Variants in HIP1R observed in about 807,000 individuals in gnomAD.
HIP1R encodes huntingtin interacting protein 1 related.
Under a neutral mutation model 144.2 loss-of-function variants are expected in HIP1R, and 135 were observed. That is an observed-to-expected ratio of 0.94 (90% confidence interval 0.81 to 1.08). HIP1R has a LOEUF of 1.08. HIP1R is among the 50% of genes least tolerant of loss of function. The probability of loss-of-function intolerance (pLI) is 0.00; values close to 1 mark genes in which losing one functional copy is unlikely to be tolerated. For missense variants in HIP1R, 1,462 were observed against 1,432.8 expected (o/e 1.02, Z -0.33); for synonymous variants, 698 against 612.8 (o/e 1.14, Z -2.05).
chr12:122,843,592 T>A (rs2033121052), intron 1 of HIP1R, among the ~76,000 whole-genome samples: 1 of 152,170 alleles, frequency 6.6e-6, no homozygotes, highest in Admixed American at 6.5e-5. Flanking sequence ...CTGAGCTTTG[T>A]CCCCACTCTC....
At position 122,856,088 on chromosome 12, in the gene HIP1R, C is replaced by A; in HGVS notation, c.1237C>A (p.Arg413Ser). The part of the protein sequence containing the change: ...QKALVDNEQL[R>S]HELAQLRAAQ... Reference sequence around the variant, plus strand: ...GGCCCTGGTGGATAATGAGCAGCTCCGCCACGAGCTGGCCCAGCTGAGGGC... The same window carrying A: ...GGCCCTGGTGGATAATGAGCAGCTCAGCCACGAGCTGGCCCAGCTGAGGGC... Residue 413 changes from arginine to serine, a missense_variant, in exon 14 of 32, where the codon CGC becomes AGC. By Grantham distance (110) the Arg-to-Ser change is moderately radical (BLOSUM62 -1). Transcript: ENST00000253083. 6.3e-7 allele frequency: 1 copy of A among 1,585,444 alleles called. No individual in the cohort carries two copies. Among genetic ancestry groups the A allele is most frequent in the Non-Finnish European group, 8.6e-7 (1 of 1,166,312 alleles).
Position 122,861,293 on chromosome 12 carries a change from G to A in HIP1R, c.2953-15G>A. On this transcript the variant is annotated splice_polypyrimidine_tract_variant and intron_variant, in intron 30 of 31. Coordinates refer to ENST00000253083, the MANE Select transcript of HIP1R (RefSeq NM_003959.3). ...GGGGAGGCTGGGCTGGGCTGAGCAG[G>A]CCGTGTGGCTACAGGTGCGTGTCCT... 1.2e-6 allele frequency: 2 copies of A among 1,613,630 alleles called. No homozygotes were observed. Among genetic ancestry groups the A allele is most frequent in the South Asian group, 1.1e-5 (1 of 91,086 alleles).
intron 1 of HIP1R, among the ~76,000 whole-genome samples, chr12:122,841,932 G>C (rs1257804891): frequency 6.6e-6 from 1 of 152,200 alleles, no homozygotes; most frequent in African/African-American, 2.4e-5. Context: ...TGACGGAGTG[G>C]CCAGGACCAA....
intron 1 of HIP1R, among the ~76,000 whole-genome samples, chr12:122,837,070 C>A (rs1360798353): frequency 1.3e-5 from 2 of 152,114 alleles, no homozygotes; most frequent in Non-Finnish European, 2.9e-5. Flanking sequence ...AGGGAGAAAA[C>A]CTGAATTGGC....
chr12:122,848,314 C>G, intron 2 of HIP1R, 152 bp from the exon 3 acceptor site: 1 of 1,057,612 alleles, frequency 9.5e-7, no homozygotes, highest in Non-Finnish European at 1.4e-6. Flanking sequence ...ACTCCTGTCC[C>G]CTTGGCTGGA....
In HIP1R at chr12:122,862,537, G is replaced by C. The variant is rs1317020574; in HGVS notation, c.*784G>C. On this transcript the variant is annotated 3_prime_UTR_variant, in exon 32 of 32. Transcript: ENST00000253083. ...GGCCGCGCCCCACTGCCCACCTGAA[G>C]GGGTGGTTTCCAGCCCTCCGGAGAG... 2 of 152,298 alleles carry C rather than the reference G, an allele frequency of 1.3e-5. No individual in the cohort carries two copies. The highest frequency in any genetic ancestry group is 4.8e-5 in the African/African-American group (2 of 41,464). 9.4% of individuals were successfully genotyped at this position (152,298 alleles called of 1,614,324 possible).
chr12:122,857,748 T>C (rs552465710), intron 18 of HIP1R: 3 of 272,972 alleles, frequency 1.1e-5, no homozygotes, highest in East Asian at 7.1e-5. Flanking sequence ...ATGCTTATTA[T>C]TGTCTTCTTT....
chr12:122,835,496 G>C lies in HIP1R; in HGVS notation c.-55G>C. 2 of 1,259,956 alleles carry C rather than the reference G, an allele frequency of 1.6e-6. No homozygotes were observed. The highest frequency in any genetic ancestry group is 2.0e-6 in the Non-Finnish European group (2 of 995,250). 78.0% of individuals were successfully genotyped at this position (1,259,956 alleles called of 1,614,324 possible). A position where few individuals can be genotyped will look rare whatever the true frequency, so the allele number is the denominator to read the frequency against. On this transcript the variant is annotated 5_prime_UTR_variant, in exon 1 of 32. Coordinates refer to ENST00000253083, the MANE Select transcript of HIP1R (RefSeq NM_003959.3). ...GTGCCTAGGCTGGGGCTGCCGGACC[G>C]TGAGGCTGTGAGTCGCGCGGACGGA...
At chr12:122,835,983 T>C (rs1457993934) in intron 1 of HIP1R, among the ~76,000 whole-genome samples, 1 of 147,158 alleles carries the variant, frequency 6.8e-6, no homozygotes, top group African/African-American at 2.5e-5. Context: ...GGGACGGAGA[T>C]GGGGCCGGGG....
chr12:122,841,253 C>T lies in HIP1R; in HGVS notation c.93+5610C>T, dbSNP rs557875940. Among the ~76,000 whole-genome samples, 9 of 152,366 alleles carry T rather than the reference C, an allele frequency of 5.9e-5. No homozygotes were observed. In the East Asian group the frequency reaches 9.6e-4, roughly 16 times the overall value. On this transcript the variant is annotated intron_variant, in intron 1 of 31. Transcript: ENST00000253083. ...TGCCCAGTCCTCATGACATTATTTG[C>T]GCTGCTTCCACATCTGCCCTGACAC...
chr12:122,837,864 G>A (rs930276246), intron 1 of HIP1R, among the ~76,000 whole-genome samples: 1 of 152,202 alleles, frequency 6.6e-6, no homozygotes. Context: ...ATAATCAGGT[G>A]AGCCGCCAGC....
chr12:122,859,122 G>T lies in HIP1R; in HGVS notation c.2220G>T (p.Gln740His). The T allele has an allele frequency of 6.3e-7, 1 of 1,595,748 alleles. No homozygotes were observed. ...ARALELMGQL[Q>H]DQQALRHMQA... ...CTCTGGAGCTCATGGGGCAGCTGCA[G>T]GACCAGCAGGCTCTGCGGCACATGC... Residue 740 changes from glutamine to histidine, a missense_variant, in exon 22 of 32, where the codon CAG becomes CAT. Coordinates refer to ENST00000253083, the MANE Select transcript of HIP1R (RefSeq NM_003959.3).
chr12:122,848,850 TGG>T lies in HIP1R; in HGVS notation c.357_357+1del. The T allele has an allele frequency of 1.2e-6, 2 of 1,613,212 alleles. No homozygotes were observed. The highest frequency in any genetic ancestry group is 1.7e-6 in the Non-Finnish European group (2 of 1,179,960). On this transcript the variant is annotated frameshift_variant and splice_region_variant, in exon 4 of 32. Coordinates refer to ENST00000253083, the MANE Select transcript of HIP1R (RefSeq NM_003959.3). LOFTEE classifies it high-confidence loss of function. ...RSNIREIGDLWGHLHDRYGQL... is the reference protein window; with the variant it reads ...RSNIREIGDLXGHLHDRYGQL... ...CAACATCCGGGAGATTGGAGACCTG[TGG>T]GTAGGTCCAGCCATTCTAGGTCCTG...
In HIP1R at chr12:122,850,840, C is replaced by G; in HGVS notation, c.444C>G (p.Pro148=). 6.2e-7 allele frequency: 1 copy of G among 1,608,942 alleles called. No homozygotes were observed. Among genetic ancestry groups the G allele is most frequent in the Non-Finnish European group, 8.5e-7 (1 of 1,178,406 alleles). Reference sequence around the variant, plus strand: ...GGTGGGGGTTCTCTCCACAGCATCCCCAGTTTCCCGCGGGCCTGGAGGTGA... The same window carrying G: ...GGTGGGGGTTCTCTCCACAGCATCCGCAGTTTCCCGCGGGCCTGGAGGTGA... ...LTKISFHLKH[P]QFPAGLEVTD... is the part of the protein sequence containing the mutation. Residue 148 remains proline, a synonymous_variant, in exon 6 of 32, where the codon CCC becomes CCG. Coordinates refer to ENST00000253083, the MANE Select transcript of HIP1R (RefSeq NM_003959.3).
chr12:122,848,191 A>T, intron 2 of HIP1R, 97 bp downstream of exon 2: 1 of 1,343,022 alleles, frequency 7.4e-7, no homozygotes, highest in South Asian at 1.2e-5. Flanking sequence ...CGGGGTCACA[A>T]GTTCCCTCAC....
chr12:122,853,987 G>C, intron 7 of HIP1R, 56 bp from the exon 8 acceptor site: 1 of 1,582,352 alleles, frequency 6.3e-7, no homozygotes, highest in Middle Eastern at 1.8e-4. Context: ...GACCACCTTG[G>C]ACAGGTTGCC....
Position 122,859,478 on chromosome 12 carries a change from T to C in HIP1R, c.2348T>C (p.Val783Ala). 6.2e-7 allele frequency: 1 copy of C among 1,613,390 alleles called. No homozygotes were observed. The highest frequency in any genetic ancestry group is 8.5e-7 in the Non-Finnish European group (1 of 1,179,946). Residue 783 changes from valine to alanine, a missense_variant, in exon 23 of 32, where the codon GTC becomes GCC. Physicochemically the swap from Val to Ala is moderately conservative, Grantham distance 64. Transcript: ENST00000253083. ...CGGCAGGAGGAGCTGGGGGCCGTGG[T>C]CGACAAGGAGATGGCGGCCACATCC... The part of the protein sequence containing the change: ...DVRQEELGAV[V>A]DKEMAATSAA...
chr12:122,851,124 A>ACC, intron 6 of HIP1R, 112 bp from the exon 7 acceptor site: 1 of 1,015,620 alleles, frequency 9.8e-7, no homozygotes, highest in Non-Finnish European at 1.4e-6. Context: ...ACGCTGTCTC[A>ACC]CCAGAGCCAT....
At position 122,862,231 on chromosome 12, in the gene HIP1R, CCTT is replaced by C. The variant is rs1363909266; in HGVS notation, c.*481_*483del. ...CGAGGGTCAGGCATCCTGTCTGTGG[CCTT>C]CTGGGGCACCGATTCTACCAGGCCC... On this transcript the variant is annotated 3_prime_UTR_variant, in exon 32 of 32. Transcript: ENST00000253083. 1 of 159,320 alleles carries C rather than the reference CCTT, an allele frequency of 6.3e-6. No homozygotes were observed. Among genetic ancestry groups the C allele is most frequent in the Non-Finnish European group, 1.4e-5 (1 of 73,296 alleles). The allele number at this position is 159,320 out of a possible 1,614,324, so 9.9% of individuals were successfully genotyped here.
Sources: gnomAD v4.1 joint callset for allele counts (sites outside exome capture counted in the v4.1 genomes callset) on GRCh38, gnomAD v4.1.1 for gene constraint, MANE v1.5 for transcripts, NCBI Gene and HGNC (gene_info 2026-07-23, HGNC 2026-07-21) for gene names.